ALLC: variants seen among roughly 807,000 people sequenced by gnomAD.
ALLC encodes the protein allantoicase, also known as probable inactive allantoicase.
In ALLC, 40 loss-of-function variants were observed where a neutral mutation model predicts 45.0. The ratio of observed to expected loss-of-function variants is 0.89; its 90% CI spans 0.69 to 1.16. The LOEUF is 1.16. Among genes scored for constraint, ALLC ranks in the 50% most tolerant of loss-of-function variants. ALLC has a pLI of 0.00. For missense variants in ALLC, 488 were observed against 493.1 expected (o/e 0.99, Z 0.10); for synonymous variants, 176 against 178.1 (o/e 0.99, Z 0.09).
rs781646550 is a variant in ALLC, at chr2:3,695,765, G to A, written c.560G>A (p.Trp187Ter). Residue 187 changes from tryptophan (W) to a stop codon, truncating the protein, a stop_gained, in exon 8 of 12, where the codon TGG becomes TAG. Transcript: ENST00000252505. LOFTEE classifies it high-confidence loss of function. ...LRVFGTGQKD[W>*]TATDPKEPAD... ...GTATTCGGTACTGGACAAAAAGACT[G>A]GACTGCAACTGACCCCAAAGAACCT... The A allele has an allele frequency of 1.2e-5, 20 of 1,613,874 alleles. No individual in the cohort carries two copies. Among genetic ancestry groups the A allele is most frequent in the Non-Finnish European group, 1.7e-5 (20 of 1,179,892 alleles).
intron 7 of ALLC, among the ~76,000 whole-genome samples, chr2:3,685,893 TTAGA>T (rs1385505140): frequency 6.6e-6 from 1 of 151,086 alleles, no homozygotes; most frequent in African/African-American, 2.4e-5. Flanking sequence ...TAATCCCTTC[TTAGA>T]TGGATAGTTT....
At chr2:3,683,959 A>T (rs573965712) in intron 7 of ALLC, among the ~76,000 whole-genome samples, 1 of 152,336 alleles carries the variant, frequency 6.6e-6, no homozygotes, top group South Asian at 2.1e-4. Flanking sequence ...CAGATAAGGG[A>T]TACTCAACCA....
intron 1 of ALLC, among the ~76,000 whole-genome samples, chr2:3,669,200 G>A (rs1188951354): frequency 2.0e-5 from 3 of 151,788 alleles, no homozygotes; most frequent in Admixed American, 6.6e-5. Context: ...CCGGCCAGGT[G>A]TGGTGGCTCA....
chr2:3,670,937 C>A (rs1464504433), intron 1 of ALLC, among the ~76,000 whole-genome samples, 159 bp from the exon 2 acceptor site: 1 of 151,888 alleles, frequency 6.6e-6, no homozygotes, highest in African/African-American at 2.4e-5. Context: ...AGTTCAACCT[C>A]ATTGAGCAGA....
the ALLC span, among the ~76,000 whole-genome samples, chr2:3,651,277 ATGCT>A: frequency 1.0e-5 from 1 of 96,708 alleles, no homozygotes; most frequent in Non-Finnish European, 2.0e-5. Flanking sequence ...CAGGCCGCCG[ATGCT>A]TGCGGGAATT....
upstream of ALLC, among the ~76,000 whole-genome samples, chr2:3,657,098 C>T (rs539533497): frequency 2.0e-4 from 30 of 152,264 alleles, 1 homozygote; most frequent in East Asian, 1.9e-3. Flanking sequence ...GATGTGGTTT[C>T]GTTCTTAAAG....
At chr2:3,700,055 C>T (rs770799969) in intron 10 of ALLC, among the ~76,000 whole-genome samples, 6 of 152,090 alleles carry the variant, frequency 3.9e-5, no homozygotes, top group Non-Finnish European at 8.8e-5. Flanking sequence ...TTGGCATTTT[C>T]ATCATGAAAT....
intron 6 of ALLC, among the ~76,000 whole-genome samples, chr2:3,682,731 T>C (rs959472732): frequency 2.0e-5 from 3 of 152,150 alleles, no homozygotes; most frequent in African/African-American, 7.2e-5. Flanking sequence ...TTCACCGTGT[T>C]AGCCAGGATG....
the ALLC span, among the ~76,000 whole-genome samples, chr2:3,652,509 G>A: frequency 6.6e-6 from 1 of 151,770 alleles, no homozygotes; most frequent in Non-Finnish European, 1.5e-5. Flanking sequence ...TGTTTCCTAA[G>A]GATGGAGATA....
At chr2:3,673,978 C>A in intron 2 of ALLC, 97 bp from the exon 3 acceptor site, 1 of 961,820 alleles carries the variant, frequency 1.0e-6, no homozygotes, top group South Asian at 1.5e-5. Context: ...TTCACGTTTT[C>A]TTTTTACTTC....
the ALLC span, among the ~76,000 whole-genome samples, chr2:3,651,297 T>TGGGGGGGGG: frequency 1.2e-3 from 2 of 1,718 alleles, no homozygotes; most frequent in Non-Finnish European, 1.8e-3. Context: ...GAATTCTTTT[T>TGGGGGGGGG]GGGTGGGTGG....
chr2:3,657,662 C>A (rs979142430), upstream of ALLC, among the ~76,000 whole-genome samples: 2 of 152,216 alleles, frequency 1.3e-5, no homozygotes, highest in African/African-American at 4.8e-5. Flanking sequence ...GACAGTGGGG[C>A]CTTTGAAGGC....
intron 5 of ALLC, among the ~76,000 whole-genome samples, chr2:3,681,025 C>T (rs1362180681): frequency 6.6e-6 from 1 of 152,038 alleles, no homozygotes; most frequent in Non-Finnish European, 1.5e-5. Flanking sequence ...TATACATGTA[C>T]TTAGGGAAGA....
intron 1 of ALLC, among the ~76,000 whole-genome samples, chr2:3,670,053 A>T (rs1451866377): frequency 6.6e-6 from 1 of 152,202 alleles, no homozygotes; most frequent in African/African-American, 2.4e-5. Flanking sequence ...GCTTCAGCAC[A>T]AAAGAACCAG....
the ALLC span, among the ~76,000 whole-genome samples, chr2:3,649,138 A>G: frequency 6.6e-6 from 1 of 152,164 alleles, no homozygotes; most frequent in Non-Finnish European, 1.5e-5. Flanking sequence ...CAGTTAATGA[A>G]ACCAGTTCCA....
At chr2:3,659,873 A>T (rs1666527718) in intron 1 of ALLC, among the ~76,000 whole-genome samples, 1 of 152,200 alleles carries the variant, frequency 6.6e-6, no homozygotes. Context: ...GGAAAGACAA[A>T]TGTCACGGCC....
At chr2:3,692,367 C>G (rs1020027638) in intron 7 of ALLC, among the ~76,000 whole-genome samples, 3 of 151,998 alleles carry the variant, frequency 2.0e-5, no homozygotes, top group Non-Finnish European at 4.4e-5. Flanking sequence ...GCTGATGAGC[C>G]AAAAAAATTT....
upstream of ALLC, among the ~76,000 whole-genome samples, chr2:3,654,823 C>G (rs574129487): frequency 1.3e-5 from 2 of 152,386 alleles, no homozygotes; most frequent in South Asian, 2.1e-4. Context: ...ATTTGCAACT[C>G]TGCCTGGAAG....
At chr2:3,651,443 T>TGTG in the ALLC span, among the ~76,000 whole-genome samples, 1 of 16,808 alleles carries the variant, frequency 5.9e-5, no homozygotes, top group Non-Finnish European at 1.6e-4. Context: ...GTGTGTGTGT[T>TGTG]AGGAAGGGAG....
Sources: gnomAD v4.1 joint callset for allele counts (sites outside exome capture counted in the v4.1 genomes callset) on GRCh38, gnomAD v4.1.1 for gene constraint, MANE v1.5 for transcripts, NCBI Gene and HGNC (gene_info 2026-07-23, HGNC 2026-07-21) for gene names.